FAM20A: variants seen among roughly 807,000 people sequenced by gnomAD.
FAM20A encodes the protein pseudokinase FAM20A.
A neutral mutation model predicts 52.0 loss-of-function variants in FAM20A; 42 were observed. The ratio of observed to expected loss-of-function variants is 0.81; its 90% CI spans 0.63 to 1.04. The LOEUF (loss-of-function observed/expected upper bound fraction) is 1.04, where lower values mean the gene tolerates loss of function less well. FAM20A is among the 50% of genes least tolerant of loss of function. FAM20A has a pLI of 0.00. For synonymous variants in FAM20A, 304 were observed against 298.9 expected, an observed-to-expected ratio of 1.02 and a Z score of -0.18; for missense variants, 742 against 712.7, an observed-to-expected ratio of 1.04 and a Z score of -0.47.
intron 4 of FAM20A, among the ~76,000 whole-genome samples, chr17:68,548,807 A>T (rs1450804763): frequency 7.7e-6 from 1 of 129,198 alleles, no homozygotes; most frequent in Admixed American, 1.0e-4. Context: ...ATCTTGGCTC[A>T]CTGCAAGCTC....
intron 1 of FAM20A, among the ~76,000 whole-genome samples, chr17:68,567,620 CT>C (rs2087414611): frequency 6.6e-6 from 1 of 151,946 alleles, no homozygotes; most frequent in African/African-American, 2.4e-5. Context: ...TGGTCTAATC[CT>C]TTGGGGAGCT....
At position 68,542,825 on chromosome 17, in the gene FAM20A, C is replaced by T. The variant is rs967501716; in HGVS notation, c.813-16G>A. ...GTCCAGAATCCTGCAAGAGAGGAAG[C>T]TCTGTTCCATCTGAGGGATGATCAG... On this transcript the variant is annotated splice_polypyrimidine_tract_variant and intron_variant, in intron 5 of 10. Transcript: ENST00000592554. 6.3e-7 allele frequency: 1 copy of T among 1,588,126 alleles called. No individual in the cohort carries two copies. Among genetic ancestry groups the T allele is most frequent in the Admixed American group, 1.7e-5 (1 of 60,008 alleles).
chr17:68,574,327 G>A (rs2143815635), intron 1 of FAM20A, among the ~76,000 whole-genome samples: 1 of 152,284 alleles, frequency 6.6e-6, no homozygotes, highest in South Asian at 2.1e-4. Context: ...TTCTGAGGTG[G>A]TGCAGGGCAT....
At position 68,536,577 on chromosome 17, in the gene FAM20A, T is replaced by C. The variant is rs1392713719; in HGVS notation, c.*900A>G. The C allele has an allele frequency of 2.2e-6, 1 of 453,720 alleles. No individual in the cohort carries two copies. The highest frequency in any genetic ancestry group is 4.4e-6 in the Non-Finnish European group (1 of 226,674). 28.1% of individuals were successfully genotyped at this position (453,720 alleles called of 1,614,324 possible). On this transcript the variant is annotated 3_prime_UTR_variant, in exon 11 of 11. Coordinates refer to ENST00000592554, the MANE Select transcript of FAM20A (RefSeq NM_017565.4). ...GCCTCACCTTTCCACATAGCCCCTT[T>C]CTTCTTTTGGGGATGGGCCGGGGAC...
chr17:68,573,437 TTTCTTTCTTTCTTTCTTTC>T (rs917388417), intron 1 of FAM20A, among the ~76,000 whole-genome samples: 7 of 93,886 alleles, frequency 7.5e-5, no homozygotes, highest in South Asian at 4.3e-4. Flanking sequence ...TTCCTTTCTC[TTTCTTTCTTTCTTTCTTTC>T]TTCTTTCTTT....
chr17:68,539,278 A>G, intron 10 of FAM20A, 59 bp downstream of exon 10: 2 of 1,572,244 alleles, frequency 1.3e-6, no homozygotes, highest in East Asian at 2.2e-5. Flanking sequence ...CTTGGCTGCA[A>G]GCAGCATGAA....
At chr17:68,593,885 A>G (rs971927947) in intron 1 of FAM20A, among the ~76,000 whole-genome samples, 1 of 152,218 alleles carries the variant, frequency 6.6e-6, no homozygotes, top group East Asian at 1.9e-4. Flanking sequence ...GAGGATGTAT[A>G]TAGTCAGGGA....
At chr17:68,545,758 C>T (rs2086525788) in intron 4 of FAM20A, among the ~76,000 whole-genome samples, 1 of 152,238 alleles carries the variant, frequency 6.6e-6, no homozygotes, top group African/African-American at 2.4e-5. Context: ...GCTGCTTTAT[C>T]AACTAAGTTT....
intron 1 of FAM20A, among the ~76,000 whole-genome samples, chr17:68,566,391 T>C (rs1259432289): frequency 2.0e-5 from 3 of 152,198 alleles, no homozygotes. Flanking sequence ...CCACTAGTAC[T>C]GACATATGCA....
At chr17:68,582,202 G>A (rs1179044267) in intron 1 of FAM20A, among the ~76,000 whole-genome samples, 1 of 152,210 alleles carries the variant, frequency 6.6e-6, no homozygotes, top group Non-Finnish European at 1.5e-5. Context: ...GAAAGTCATT[G>A]AGAAACATGG....
intron 7 of FAM20A, chr17:68,541,564 C>T: frequency 5.1e-6 from 1 of 196,084 alleles, no homozygotes; most frequent in Non-Finnish European, 1.1e-5. Context: ...GTGCTAGGTC[C>T]TGGGGATACA....
chr17:68,559,548 C>G (rs554139256), intron 1 of FAM20A, among the ~76,000 whole-genome samples: 2 of 152,320 alleles, frequency 1.3e-5, no homozygotes, highest in African/African-American at 4.8e-5. Context: ...TTGCTCCTGA[C>G]TCTGCAATAC....
rs1479492504 is a variant in FAM20A at position 68,537,052 on chromosome 17, C to T, written c.*425G>A. The stretch of plus-strand genomic sequence containing the variant: ...AGATTTTTAGTCAGCTTGTGATAGG[C>T]CAGGTGTTTTGTCTGGACCAGGAGT... On this transcript the variant is annotated 3_prime_UTR_variant, in exon 11 of 11. Coordinates refer to ENST00000592554, the MANE Select transcript of FAM20A (RefSeq NM_017565.4). This position sits in a 1 kb window ranked among gnomAD's most constrained non-coding sequence, Gnocchi z 4.2. 2.2e-6 allele frequency: 1 copy of T among 456,708 alleles called. No homozygotes were observed. The highest frequency in any genetic ancestry group is 4.4e-6 in the Non-Finnish European group (1 of 228,826). 28.3% of individuals were successfully genotyped at this position (456,708 alleles called of 1,614,324 possible).
At chr17:68,542,284 G>T in intron 6 of FAM20A, 119 bp from the exon 7 acceptor site, 1 of 1,077,778 alleles carries the variant, frequency 9.3e-7, no homozygotes, top group Non-Finnish European at 1.4e-6. Flanking sequence ...CTCGGGAAGA[G>T]AAAGAAGAAG....
At chr17:68,577,042 G>A (rs1016147688) in intron 1 of FAM20A, among the ~76,000 whole-genome samples, 1 of 152,168 alleles carries the variant, frequency 6.6e-6, no homozygotes, top group African/African-American at 2.4e-5. Flanking sequence ...CCTTCTATCC[G>A]GGCCAAGTTT....
At chr17:68,588,478 A>G (rs931176530) in intron 1 of FAM20A, among the ~76,000 whole-genome samples, 2 of 152,254 alleles carry the variant, frequency 1.3e-5, no homozygotes, top group African/African-American at 4.8e-5. Flanking sequence ...CCATAACAAA[A>G]TACCACAGAC....
chr17:68,543,759 T>A, intron 4 of FAM20A, 38 bp from the exon 5 acceptor site: 1 of 1,562,850 alleles, frequency 6.4e-7, no homozygotes, highest in Non-Finnish European at 8.8e-7. Context: ...GGACTCAGAC[T>A]TCAGCTGGGA....
chr17:68,554,136 A>G (rs2086986942), intron 3 of FAM20A, among the ~76,000 whole-genome samples: 2 of 151,644 alleles, frequency 1.3e-5, no homozygotes, highest in African/African-American at 2.4e-5. Flanking sequence ...ACATATATAT[A>G]TATATATATT....
rs1481292658 is a variant in FAM20A, at chr17:68,535,754, T to G, written c.*1723A>C. 3 of 452,736 alleles carry G rather than the reference T, an allele frequency of 6.6e-6. No homozygotes were observed. The highest frequency in any genetic ancestry group is 1.3e-5 in the Non-Finnish European group (3 of 226,188). 28.0% of individuals were successfully genotyped at this position (452,736 alleles called of 1,614,324 possible). A position where few individuals can be genotyped will look rare whatever the true frequency, so the allele number is the denominator to read the frequency against. ...CTCGAGCTCCTGAGACCAAGCGATC[T>G]GCCTGTTTAGGCCCAAAGTGCTGGG... On this transcript the variant is annotated 3_prime_UTR_variant, in exon 11 of 11. Coordinates refer to ENST00000592554, the MANE Select transcript of FAM20A (RefSeq NM_017565.4).
Sources: gnomAD v4.1 joint callset for allele counts (sites outside exome capture counted in the v4.1 genomes callset) on GRCh38, gnomAD v4.1.1 for gene constraint, Gnocchi (gnomAD v3.1) non-coding constraint, MANE v1.5 for transcripts, NCBI Gene and HGNC (gene_info 2026-07-23, HGNC 2026-07-21) for gene names.